TMEM232: variants seen among roughly 807,000 people sequenced by gnomAD.
TMEM232 encodes the protein transmembrane protein 232.
In TMEM232, 80 loss-of-function variants were observed where a neutral mutation model predicts 78.8. The observed-to-expected ratio is 1.01, with a 90% CI of 0.85 to 1.22. TMEM232 has a LOEUF of 1.22. TMEM232 is among the 50% of genes most tolerant of loss of function. The probability of loss-of-function intolerance (pLI) is 0.00; values close to 1 mark genes in which losing one functional copy is unlikely to be tolerated. For synonymous variants in TMEM232, 297 were observed against 254.3 expected (o/e 1.17, Z -1.60); for missense variants, 881 against 742.2 (o/e 1.19, Z -2.17).
rs1217869011 is a variant in TMEM232 at position 110,669,278 on chromosome 5, TA to T, written c.-12-1915del. On this transcript the variant is annotated intron_variant, in intron 1 of 13. Coordinates refer to ENST00000455884, the MANE Select transcript of TMEM232 (RefSeq NM_001039763.4). ...AGAGAGAAGAATCAAATAGATGCAATAAAAAATGATAAAGGGGATATCACCA... is the reference window on the plus strand; with the variant it reads ...AGAGAGAAGAATCAAATAGATGCAATAAAAATGATAAAGGGGATATCACCA... Among the ~76,000 whole-genome samples, 3 of 151,932 alleles carry T rather than the reference TA, an allele frequency of 2.0e-5. No homozygotes were observed. The East Asian group carries it at 5.8e-4, about 29-fold the overall frequency.
chr5:110,604,970 G>T, intron 10 of TMEM232, 139 bp downstream of exon 10: 3 of 992,950 alleles, frequency 3.0e-6, no homozygotes, highest in East Asian at 2.8e-5. Context: ...AATAAATCAT[G>T]CTATATTCTT....
chr5:110,496,625 T>C lies in TMEM232; in HGVS notation c.1703+31963A>G, dbSNP rs536328426. ...CAGATGTCTCAGATGAGAGGACACATGCGGTTCTTTCATAACCAGGATACC... is the reference window on the plus strand; with the variant it reads ...CAGATGTCTCAGATGAGAGGACACACGCGGTTCTTTCATAACCAGGATACC... On this transcript the variant is annotated intron_variant, in intron 12 of 13. Transcript: ENST00000455884. Among the ~76,000 whole-genome samples, 6 of 152,088 alleles carry C rather than the reference T, an allele frequency of 3.9e-5. No homozygotes were observed. The East Asian group carries it at 5.8e-4, about 15-fold the overall frequency.
At chr5:110,626,970 C>T (rs1029195952) in intron 6 of TMEM232, among the ~76,000 whole-genome samples, 4 of 151,980 alleles carry the variant, frequency 2.6e-5, no homozygotes, top group Non-Finnish European at 4.4e-5. Context: ...CCCTGCCCCT[C>T]GCCCTCGGCC....
intron 12 of TMEM232, among the ~76,000 whole-genome samples, chr5:110,470,683 C>G (rs1000232675): frequency 6.6e-6 from 1 of 152,110 alleles, no homozygotes; most frequent in Non-Finnish European, 1.5e-5. Context: ...AACTTAGAAC[C>G]AGAGTCAGCA....
chr5:110,618,407 G>C, intron 8 of TMEM232, 22 bp downstream of exon 8: 1 of 1,547,546 alleles, frequency 6.5e-7, no homozygotes, highest in South Asian at 1.2e-5. Flanking sequence ...GAGTTACTTT[G>C]GATTTATAGG....
intron 2 of TMEM232, among the ~76,000 whole-genome samples, chr5:110,401,340 G>A (rs13358286): frequency 0.028 from 4,306 of 151,186 alleles, 226 homozygotes; most frequent in African/African-American, 0.1. Flanking sequence ...AATTTCAAGT[G>A]TCAATAATGG....
At chr5:110,738,336 A>C, upstream of TMEM232, 1 of 1,041,722 alleles carries the variant, frequency 9.6e-7, no homozygotes, top group African/African-American at 1.7e-5. Context: ...CAATACCCTG[A>C]GTGATTTAGA....
intron 12 of TMEM232, among the ~76,000 whole-genome samples, chr5:110,453,003 T>G (rs1184699233): frequency 6.6e-6 from 1 of 152,176 alleles, no homozygotes; most frequent in African/African-American, 2.4e-5. Context: ...AGCTAATTCA[T>G]GAAGCAACTG....
intron 12 of TMEM232, among the ~76,000 whole-genome samples, chr5:110,527,579 A>T (rs183457068): frequency 6.6e-6 from 1 of 152,092 alleles, no homozygotes; most frequent in East Asian, 1.9e-4. Context: ...CTCTTACATT[A>T]GGTTGTAAAA....
intron 2 of TMEM232, among the ~76,000 whole-genome samples, chr5:110,649,684 A>G (rs1411580616): frequency 7.2e-5 from 11 of 152,108 alleles, no homozygotes; most frequent in Admixed American, 7.2e-4. Context: ...TGTTTCCCTA[A>G]CTACTAGCAT....
At chr5:110,670,237 T>C (rs1028266089) in intron 1 of TMEM232, among the ~76,000 whole-genome samples, 1 of 152,184 alleles carries the variant, frequency 6.6e-6, no homozygotes, top group East Asian at 1.9e-4. Flanking sequence ...AAAACCCCAT[T>C]GTCTCAGCCC....
At chr5:110,712,555 T>A (rs1796600337) in intron 1 of TMEM232, among the ~76,000 whole-genome samples, 1 of 152,172 alleles carries the variant, frequency 6.6e-6, no homozygotes, top group African/African-American at 2.4e-5. Flanking sequence ...CTATATACAG[T>A]GGTAACCACA....
intron 1 of TMEM232, among the ~76,000 whole-genome samples, chr5:110,683,094 T>C (rs896983622): frequency 6.6e-6 from 1 of 152,174 alleles, no homozygotes; most frequent in African/African-American, 2.4e-5. Context: ...ACTATCCAAG[T>C]GGAAAGGAAC....
At chr5:110,401,031 T>C (rs1054992953) in intron 2 of TMEM232, among the ~76,000 whole-genome samples, 3 of 152,088 alleles carry the variant, frequency 2.0e-5, no homozygotes, top group Non-Finnish European at 4.4e-5. Context: ...CTTAGTATCT[T>C]TGTACCTTGC....
downstream of TMEM232, among the ~76,000 whole-genome samples, chr5:110,418,898 C>T (rs1756391926): frequency 6.6e-6 from 1 of 152,170 alleles, no homozygotes; most frequent in African/African-American, 2.4e-5. Context: ...AGTCCCCTTA[C>T]TAAACCTTAG....
intron 10 of TMEM232, among the ~76,000 whole-genome samples, chr5:110,599,025 A>G (rs1346387829): frequency 6.6e-6 from 1 of 152,078 alleles, no homozygotes; most frequent in Non-Finnish European, 1.5e-5. Context: ...AATAAAAAAA[A>G]GAAAAGAATT....
chr5:110,539,525 C>T (rs1246431492), intron 11 of TMEM232, among the ~76,000 whole-genome samples: 1 of 152,148 alleles, frequency 6.6e-6, no homozygotes, highest in Non-Finnish European at 1.5e-5. Flanking sequence ...CCCTCTGGCA[C>T]CAGAGTCCTA....
At chr5:110,402,480 C>A (rs1027918727) in intron 2 of TMEM232, among the ~76,000 whole-genome samples, 7 of 152,062 alleles carry the variant, frequency 4.6e-5, no homozygotes, top group African/African-American at 1.7e-4. Context: ...TGGAACATTT[C>A]TATTAGTTGA....
intron 12 of TMEM232, among the ~76,000 whole-genome samples, chr5:110,443,120 A>G (rs1759250060): frequency 6.6e-6 from 1 of 152,122 alleles, no homozygotes; most frequent in South Asian, 2.1e-4. Context: ...GTGGGGCTCT[A>G]TGATCAGCAA....
Sources: gnomAD v4.1 joint callset for allele counts (sites outside exome capture counted in the v4.1 genomes callset) on GRCh38, gnomAD v4.1.1 for gene constraint, MANE v1.5 for transcripts, NCBI Gene and HGNC (gene_info 2026-07-23, HGNC 2026-07-21) for gene names.